Variants in GPC5 observed in about 807,000 individuals in gnomAD.
The protein encoded by GPC5 is glypican 5.
Under a neutral mutation model 53.9 loss-of-function variants are expected in GPC5, and 47 were observed. The ratio of observed to expected loss-of-function variants is 0.87; its 90% CI spans 0.69 to 1.11. The LOEUF is 1.11. Among genes scored for constraint, GPC5 ranks in the 50% most tolerant of loss-of-function variants. The pLI is 0.00. For missense variants in GPC5, 748 were observed against 713.1 expected (o/e 1.05, Z -0.56); for synonymous variants, 286 against 263.3 (o/e 1.09, Z -0.84).
chr13:91,636,199 C>T (rs2034280652), intron 2 of GPC5, among the ~76,000 whole-genome samples: 1 of 152,020 alleles, frequency 6.6e-6, no homozygotes, highest in Non-Finnish European at 1.5e-5. Context: ...AATGATAGCA[C>T]CATTTACATA....
chr13:92,803,097 T>G (rs550414179), intron 7 of GPC5, among the ~76,000 whole-genome samples: 1 of 152,064 alleles, frequency 6.6e-6, no homozygotes, highest in Non-Finnish European at 1.5e-5. Flanking sequence ...AATGCTGTCA[T>G]TTGTTTGTTT....
At chr13:91,710,899 A>G (rs867851072) in intron 3 of GPC5, among the ~76,000 whole-genome samples, 4 of 152,220 alleles carry the variant, frequency 2.6e-5, no homozygotes, top group African/African-American at 9.6e-5. Context: ...GAAAGCCTAC[A>G]CACAATAGTC....
intron 7 of GPC5, among the ~76,000 whole-genome samples, chr13:92,753,723 G>T (rs1185410534): frequency 6.6e-6 from 1 of 152,074 alleles, no homozygotes; most frequent in East Asian, 1.9e-4. Context: ...TGGAAGAAAG[G>T]TATCAGCAAT....
intron 7 of GPC5, among the ~76,000 whole-genome samples, chr13:92,193,610 A>G (rs2042238436): frequency 6.6e-6 from 1 of 152,236 alleles, no homozygotes; most frequent in South Asian, 2.1e-4. Context: ...ATGTAAACTT[A>G]AACCATTTTC....
intron 2 of GPC5, among the ~76,000 whole-genome samples, chr13:91,525,523 G>T (rs927927404): frequency 1.3e-5 from 2 of 152,156 alleles, no homozygotes; most frequent in East Asian, 1.9e-4. Context: ...TTACAGAACT[G>T]GGGAGTTGAG....
intron 1 of GPC5, among the ~76,000 whole-genome samples, chr13:91,400,664 G>A (rs545304541): frequency 6.6e-6 from 1 of 152,090 alleles, no homozygotes; most frequent in Non-Finnish European, 1.5e-5. Context: ...CCCCAAATAT[G>A]GTAACTTTGC....
At chr13:92,018,599 T>C (rs897343725) in intron 6 of GPC5, among the ~76,000 whole-genome samples, 2 of 152,100 alleles carry the variant, frequency 1.3e-5, no homozygotes, top group Admixed American at 6.6e-5. Flanking sequence ...GTTTATGTCA[T>C]TATATATTTA....
chr13:92,623,033 T>A (rs1322390475), intron 7 of GPC5, among the ~76,000 whole-genome samples: 3 of 151,868 alleles, frequency 2.0e-5, no homozygotes, highest in Admixed American at 6.6e-5. Context: ...AAAGTTATAT[T>A]TTTTTTACTT....
intron 6 of GPC5, among the ~76,000 whole-genome samples, chr13:91,953,239 T>G (rs2040043611): frequency 6.6e-6 from 1 of 152,152 alleles, no homozygotes; most frequent in Non-Finnish European, 1.5e-5. Flanking sequence ...GAGTTTGATG[T>G]TTTTGAGCTG....
chr13:91,880,237 A>C (rs567186926), intron 5 of GPC5, among the ~76,000 whole-genome samples: 2 of 152,086 alleles, frequency 1.3e-5, no homozygotes, highest in African/African-American at 4.8e-5. Flanking sequence ...ACACGTATTT[A>C]ACTTTCTAAG....
intron 7 of GPC5, among the ~76,000 whole-genome samples, 175 bp downstream of exon 7, chr13:92,145,164 A>C (rs2041858248): frequency 6.6e-6 from 1 of 152,098 alleles, no homozygotes; most frequent in Non-Finnish European, 1.5e-5. Flanking sequence ...GGTTTTGTTT[A>C]TTTTTAACTA....
intron 5 of GPC5, among the ~76,000 whole-genome samples, chr13:91,830,763 T>C (rs1435990159): frequency 7.2e-6 from 1 of 138,232 alleles, no homozygotes; most frequent in Admixed American, 8.0e-5. Context: ...CATATATATA[T>C]CCTATTATAT....
chr13:92,427,238 CTG>C (rs1301984753), intron 7 of GPC5, among the ~76,000 whole-genome samples: 2 of 150,982 alleles, frequency 1.3e-5, no homozygotes, highest in Non-Finnish European at 3.0e-5. Context: ...GAATCTGACT[CTG>C]TGTTATTGTG....
intron 7 of GPC5, among the ~76,000 whole-genome samples, chr13:92,284,389 A>G (rs938876250): frequency 6.6e-6 from 1 of 152,214 alleles, no homozygotes; most frequent in Non-Finnish European, 1.5e-5. Context: ...AACTCATTTT[A>G]TGAGGCCAGC....
chr13:91,727,480 G>A (rs1173276367), intron 3 of GPC5, among the ~76,000 whole-genome samples: 1 of 151,994 alleles, frequency 6.6e-6, no homozygotes, highest in Non-Finnish European at 1.5e-5. Context: ...AGAAACTTTA[G>A]TTACTCATAT....
chr13:91,582,403 G>A (rs1318880924), intron 2 of GPC5, among the ~76,000 whole-genome samples: 1 of 152,026 alleles, frequency 6.6e-6, no homozygotes, highest in African/African-American at 2.4e-5. Context: ...ACAGCTGGTA[G>A]TCAAACAAAC....
At chr13:91,998,905 G>A (rs2138749374) in intron 6 of GPC5, among the ~76,000 whole-genome samples, 1 of 152,256 alleles carries the variant, frequency 6.6e-6, no homozygotes, top group Middle Eastern at 3.4e-3. Flanking sequence ...CATTCAAAGG[G>A]CCTTATTGAC....
chr13:91,983,238 T>C (rs953466043), intron 6 of GPC5, among the ~76,000 whole-genome samples: 18 of 151,916 alleles, frequency 1.2e-4, no homozygotes, highest in Non-Finnish European at 2.4e-4. Context: ...CCCAGCTACT[T>C]GGGAGGCTGA....
intron 7 of GPC5, among the ~76,000 whole-genome samples, chr13:92,602,233 CATAT>C (rs149450440): frequency 0.042 from 5,041 of 119,290 alleles, 184 homozygotes; most frequent in African/African-American, 0.078. Context: ...ATATATATAA[CATAT>C]ATATATATAT....
Sources: allele counts gnomAD v4.1 joint callset (sites outside exome capture counted in the v4.1 genomes callset), GRCh38; gene constraint gnomAD v4.1.1; transcripts MANE v1.5; gene names NCBI Gene and HGNC (gene_info 2026-07-23, HGNC 2026-07-21).